The following FAM184A variants were observed in gnomAD, a reference collection of about 807,000 sequenced individuals.
The protein encoded by FAM184A is family with sequence similarity 184 member A.
Under a neutral mutation model 143.8 loss-of-function variants are expected in FAM184A, and 99 were observed. The observed-to-expected ratio is 0.69, with a 90% confidence interval of 0.58 to 0.81. FAM184A has a LOEUF of 0.81. FAM184A is among the 40% of genes least tolerant of loss of function. FAM184A has a pLI of 0.00. For missense variants in FAM184A, 1,217 were observed against 1,310.5 expected (o/e 0.93, Z 1.10); for synonymous variants, 427 against 446.4 (o/e 0.96, Z 0.55).
At chr6:119,064,336 G>A (rs911464732) in intron 1 of FAM184A, among the ~76,000 whole-genome samples, 2 of 152,178 alleles carry the variant, frequency 1.3e-5, no homozygotes, top group Non-Finnish European at 2.9e-5. Context: ...TAACCTGACT[G>A]CTTCTCTCCT....
At chr6:119,043,051 T>C (rs1322697190) in intron 1 of FAM184A, among the ~76,000 whole-genome samples, 1 of 152,092 alleles carries the variant, frequency 6.6e-6, no homozygotes, top group Non-Finnish European at 1.5e-5. Context: ...CTATTCACAT[T>C]GACATTTGGG....
chr6:119,078,288 C>G lies in FAM184A; in HGVS notation c.12G>C (p.Pro4=). ...AATAGTGCTGCTGCCAGCTCATGCC[C>G]GGGGTCGCCATCTTCCCAACAGACC... MAT[P]GMSWQQHYYG... is the part of the protein sequence containing the mutation. The change falls in exon 1 of 18, where the codon CCG becomes CCC. Residue 4 remains proline (P), a synonymous_variant. Transcript: ENST00000338891. This position sits in a 1 kb window ranked among gnomAD's most constrained non-coding sequence, Gnocchi z 5.5. 6 of 1,498,140 alleles carry G rather than the reference C, an allele frequency of 4.0e-6. No individual in the cohort carries two copies. The highest frequency in any genetic ancestry group is 1.8e-4 in the Middle Eastern group (1 of 5,676). 92.8% of individuals were successfully genotyped at this position (1,498,140 alleles called of 1,614,324 possible).
intron 6 of FAM184A, among the ~76,000 whole-genome samples, chr6:119,010,833 G>A (rs1785065192): frequency 6.6e-6 from 1 of 151,960 alleles, no homozygotes; most frequent in African/African-American, 2.4e-5. Flanking sequence ...AACCCACCTG[G>A]AACTTTGCCG....
At chr6:118,991,364 T>A (rs1784371600) in intron 9 of FAM184A, among the ~76,000 whole-genome samples, 1 of 151,956 alleles carries the variant, frequency 6.6e-6, no homozygotes, top group Non-Finnish European at 1.5e-5. Context: ...TTTCACCATG[T>A]TGGCCAGGCT....
rs961351492 is a variant in FAM184A, at chr6:119,019,992, G to A, written c.1318C>T (p.Leu440=). 4.4e-6 allele frequency: 7 copies of A among 1,580,278 alleles called. No individual in the cohort carries two copies. The highest frequency in any genetic ancestry group is 6.0e-6 in the Non-Finnish European group (7 of 1,168,326). The part of the protein sequence containing the change: ...SLDEEQKQQI[L]ELEKKVNEAK... Reference sequence around the variant, plus strand: ...TTACTTTTTACCTTCTCCAGTTCTAGAATCTGTTGCTTCTGCTCTTCATCC... The same window carrying A: ...TTACTTTTTACCTTCTCCAGTTCTAAAATCTGTTGCTTCTGCTCTTCATCC... The change falls in exon 4 of 18, where the codon CTA becomes TTA. Residue 440 remains leucine (L), a synonymous_variant. Coordinates refer to ENST00000338891, the MANE Select transcript of FAM184A (RefSeq NM_024581.6).
chr6:119,031,468 G>C (rs541239529), intron 1 of FAM184A: 1 of 152,378 alleles, frequency 6.6e-6, no homozygotes, highest in South Asian at 2.1e-4. Flanking sequence ...CTGTGGAACT[G>C]AATTGGCTGC....
rs746688579 is a variant in FAM184A, at chr6:118,979,353, T to C, written c.2455+12A>G. 6.3e-7 allele frequency: 1 copy of C among 1,591,914 alleles called. No homozygotes were observed. Among genetic ancestry groups the C allele is most frequent in the African/African-American group, 1.4e-5 (1 of 73,394 alleles). ...ATATGAATATGACAAGATTGTAATC[T>C]TTTCAAAATACCAAGCATAGCCTTT... On this transcript the variant is annotated intron_variant, in intron 11 of 17. Transcript: ENST00000338891.
chr6:119,084,251 A>G lies in FAM184A; in HGVS notation c.-201-59438T>C, dbSNP rs182959058. ...CAACACATAGGGATTACAATTCAAGATGAGATTTGAGTGGGGACCCAGAGC... is the reference window on the plus strand; with the variant it reads ...CAACACATAGGGATTACAATTCAAGGTGAGATTTGAGTGGGGACCCAGAGC... On this transcript the variant is annotated intron_variant, in intron 1 of 16. Coordinates refer to the FAM184A transcript ENST00000352896. 3.3e-5 allele frequency among the ~76,000 whole-genome samples: 5 copies of G among 152,300 alleles called. No homozygotes were observed. The East Asian group carries it at 9.6e-4, about 29-fold the overall frequency.
At position 118,975,111 on chromosome 6, in the gene FAM184A, T is replaced by A; in HGVS notation, c.2681A>T (p.His894Leu). 6.2e-7 allele frequency: 1 copy of A among 1,613,014 alleles called. No individual in the cohort carries two copies. Residue 894 changes from histidine to leucine, a missense_variant, in exon 13 of 18, where the codon CAT (histidine) becomes CTT (leucine). Transcript: ENST00000338891. ...SELDKEVQHLHENISALTKEL... is the reference protein window; with the variant it reads ...SELDKEVQHLLENISALTKEL... ...TTTGGTTAGGGCACTTATATTCTCA[T>A]GAAGGTGCTGAACCTCCTTATCCAA...
chr6:119,074,357 G>A (rs1355986933), intron 1 of FAM184A, among the ~76,000 whole-genome samples: 1 of 152,204 alleles, frequency 6.6e-6, no homozygotes, highest in African/African-American at 2.4e-5. Flanking sequence ...AAGAGACAGA[G>A]CAAGAGACCA....
intron 1 of FAM184A, among the ~76,000 whole-genome samples, chr6:119,124,741 A>T (rs903259597): frequency 1.9e-5 from 2 of 108,092 alleles, no homozygotes; most frequent in African/African-American, 7.0e-5. Context: ...AAGATCAAAT[A>T]AACTATGGCC....
intron 9 of FAM184A, 138 bp downstream of exon 9, chr6:119,002,761 T>G: frequency 1.4e-6 from 1 of 734,430 alleles, no homozygotes; most frequent in Non-Finnish European, 2.1e-6. Context: ...TCTTCCTGGT[T>G]TTATGTATTT....
intron 1 of FAM184A, among the ~76,000 whole-genome samples, chr6:119,147,999 G>A (rs545369074): frequency 1.2e-4 from 19 of 152,318 alleles, no homozygotes; most frequent in African/African-American, 3.6e-4. Flanking sequence ...GCTATAGCAA[G>A]CTCAGAATAA....
chr6:119,017,176 A>G (rs1785286120), intron 4 of FAM184A, among the ~76,000 whole-genome samples: 2 of 152,206 alleles, frequency 1.3e-5, no homozygotes, highest in Non-Finnish European at 2.9e-5. Flanking sequence ...ATTAGACCAA[A>G]TGTGAGTTAA....
chr6:119,071,542 G>A (rs898804031), intron 1 of FAM184A, among the ~76,000 whole-genome samples: 1 of 152,102 alleles, frequency 6.6e-6, no homozygotes, highest in African/African-American at 2.4e-5. Flanking sequence ...AACCCAGAAA[G>A]TTCCACAGTA....
chr6:119,040,558 T>C (rs950562844), intron 1 of FAM184A, among the ~76,000 whole-genome samples: 17 of 152,180 alleles, frequency 1.1e-4, no homozygotes, highest in Non-Finnish European at 2.9e-5. Flanking sequence ...TATATGGCCC[T>C]TCTTGACAGG....
chr6:119,032,506 A>AAGAGGG (rs1210962718), intron 1 of FAM184A, among the ~76,000 whole-genome samples: 8 of 144,990 alleles, frequency 5.5e-5, no homozygotes, highest in Non-Finnish European at 6.0e-5. Context: ...AGGGAGAGGG[A>AAGAGGG]AGAGGGAGAG....
intron 1 of FAM184A, among the ~76,000 whole-genome samples, chr6:119,098,351 T>C (rs1201372863): frequency 6.6e-6 from 1 of 152,160 alleles, no homozygotes; most frequent in Admixed American, 6.6e-5. Flanking sequence ...TTATCAGTGG[T>C]GTGAAACAGA....
At chr6:119,121,804 A>G (rs772143303) in intron 1 of FAM184A, among the ~76,000 whole-genome samples, 7 of 152,272 alleles carry the variant, frequency 4.6e-5, no homozygotes, top group Non-Finnish European at 1.0e-4. Context: ...CTGAACTGTC[A>G]GTTAAAAAGA....
Sources: gnomAD v4.1 joint callset for allele counts (sites outside exome capture counted in the v4.1 genomes callset) on GRCh38, gnomAD v4.1.1 for gene constraint, Gnocchi (gnomAD v3.1) non-coding constraint, MANE v1.5 for transcripts, NCBI Gene and HGNC (gene_info 2026-07-23, HGNC 2026-07-21) for gene names.